Variants in DUSP11 observed in about 807,000 individuals in gnomAD.
DUSP11 encodes RNA/RNP complex-1-interacting phosphatase.
A neutral mutation model predicts 41.4 loss-of-function variants in DUSP11; 27 were observed. The ratio of observed to expected loss-of-function variants is 0.65; its 90% CI spans 0.48 to 0.90. The LOEUF (loss-of-function observed/expected upper bound fraction) is 0.90, where lower values mean the gene tolerates loss of function less well. Among genes scored for constraint, DUSP11 ranks in the 40% least tolerant of loss-of-function variants. The pLI is 0.00. For missense variants in DUSP11, 465 were observed against 461.1 expected (o/e 1.01, Z -0.08); for synonymous variants, 188 against 159.3 (o/e 1.18, Z -1.35).
At position 73,766,332 on chromosome 2, in the gene DUSP11, T is replaced by G. The variant is rs1558532301; in HGVS notation, c.935+86A>C. On this transcript the variant is annotated intron_variant, in intron 8 of 8. Coordinates refer to ENST00000272444, the Ensembl canonical transcript of DUSP11. The stretch of plus-strand genomic sequence containing the variant: ...TCCAAAAAAAAAAAAAACGAAGAAT[T>G]CCTCATCAGTATCATAATGTGTTTT... 4 of 1,228,264 alleles carry G rather than the reference T, an allele frequency of 3.3e-6. No homozygotes were observed. In the East Asian group the frequency reaches 7.3e-5, roughly 23 times the overall value. The allele number at this position is 1,228,264 out of a possible 1,614,324, so 76.1% of individuals were successfully genotyped here.
At chr2:73,765,021 C>G (rs755766011) in intron 8 of DUSP11, among the ~76,000 whole-genome samples, 2 of 152,116 alleles carry the variant, frequency 1.3e-5, no homozygotes, top group Non-Finnish European at 2.9e-5. Context: ...TAATAGCTTG[C>G]TATTTGTGAT....
chr2:73,778,130 T>C (rs1301197621), intron 2 of DUSP11, among the ~76,000 whole-genome samples, 171 bp downstream of exon 2: 3 of 152,134 alleles, frequency 2.0e-5, no homozygotes, highest in Non-Finnish European at 4.4e-5. Flanking sequence ...TATTTTTGTT[T>C]AAAATATGAA....
chr2:73,779,591 T>C (rs1573187646), intron 1 of DUSP11: 1 of 489,362 alleles, frequency 2.0e-6, no homozygotes, highest in African/African-American at 1.9e-5. Context: ...TTAAGGAGTG[T>C]CCCCAACAGT....
chr2:73,779,582 TAAG>T, intron 1 of DUSP11: 1 of 446,060 alleles, frequency 2.2e-6, no homozygotes, highest in East Asian at 4.1e-5. Context: ...TTTTGGGAAT[TAAG>T]GAGTGTCCCC....
At chr2:73,771,739 T>C (rs1672582701) in intron 4 of DUSP11, among the ~76,000 whole-genome samples, 1 of 150,402 alleles carries the variant, frequency 6.6e-6, no homozygotes, top group Non-Finnish European at 1.5e-5. Context: ...CCTGACCTCA[T>C]GATCTGCCCA....
At chr2:73,768,675 G>C in intron 5 of DUSP11, 1 of 985,412 alleles carries the variant, frequency 1.0e-6, no homozygotes, top group Non-Finnish European at 1.2e-6. Flanking sequence ...TAAGGAGTCT[G>C]GCCAGGCGCG....
intron 8 of DUSP11, among the ~76,000 whole-genome samples, chr2:73,765,548 C>T (rs1235599951): frequency 6.6e-6 from 1 of 151,920 alleles, no homozygotes; most frequent in Non-Finnish European, 1.5e-5. Context: ...CTCCTCCCAT[C>T]CACCCACCCA....
chr2:73,769,158 C>T, intron 5 of DUSP11, 107 bp downstream of exon 5: 1 of 892,416 alleles, frequency 1.1e-6, no homozygotes, highest in Non-Finnish European at 1.8e-6. Context: ...AGACTGCCTT[C>T]TACTTCATGT....
At chr2:73,766,855 T>A in exon 7 of DUSP11, 1 of 1,613,322 alleles carries the variant, frequency 6.2e-7, no homozygotes, top group Non-Finnish European at 8.5e-7. Flanking sequence ...CTGAAGGTCT[T>A]CAATGTAGTT....
intron 8 of DUSP11, among the ~76,000 whole-genome samples, chr2:73,763,461 C>G (rs1281054207): frequency 2.0e-5 from 3 of 152,202 alleles, no homozygotes; most frequent in African/African-American, 7.2e-5. Flanking sequence ...TGGTGGCTCG[C>G]ACTTGTAATC....
At position 73,778,898 on chromosome 2, in the gene DUSP11, G is replaced by A. The variant is rs188346210; in HGVS notation, c.243-522C>T. Among the ~76,000 whole-genome samples the A allele has an allele frequency of 1.2e-3, 175 of 152,120 alleles. 1 individual carries two copies. Among genetic ancestry groups the A allele is most frequent in the African/African-American group, 3.5e-3 (147 of 41,468 alleles). ...GCGGTGGCTCACGTCTGTTAATCCC[G>A]GCAATTTGGGAGGCTGAGGCAGGTG... On this transcript the variant is annotated intron_variant, in intron 1 of 8. Coordinates refer to ENST00000272444, the Ensembl canonical transcript of DUSP11.
chr2:73,767,712 T>C (rs1301742729), intron 5 of DUSP11: 1 of 155,448 alleles, frequency 6.4e-6, no homozygotes, highest in African/African-American at 2.4e-5. Context: ...GACAACAATA[T>C]TACCTAAATA....
chr2:73,773,666 G>T, intron 4 of DUSP11, 134 bp downstream of exon 4: 2 of 880,546 alleles, frequency 2.3e-6, no homozygotes, highest in Non-Finnish European at 3.4e-6. Context: ...TACCCTATTA[G>T]CACCATCTGA....
At chr2:73,776,021 G>A (rs1672677545) in intron 2 of DUSP11, among the ~76,000 whole-genome samples, 1 of 152,000 alleles carries the variant, frequency 6.6e-6, no homozygotes, top group South Asian at 2.1e-4. Context: ...GGCTTTCATT[G>A]CTGAATATTC....
chr2:73,778,211 AAG>A, intron 2 of DUSP11, 88 bp downstream of exon 2: 1 of 846,042 alleles, frequency 1.2e-6, no homozygotes. Flanking sequence ...TTGCTATAAA[AAG>A]AGAAAATGGA....
In DUSP11 at chr2:73,766,420, G is replaced by C. The variant is rs746253641; in HGVS notation, c.933C>G (p.Val311=). The change falls in exon 8 of 9, where the codon GTC becomes GTG. Residue 311 remains valine, a splice_region_variant and synonymous_variant. Transcript: ENST00000272444. ...AAAGGGAAAACAGAGAGAGGTACCT[G>C]ACTGATTGTTGCAAACTTTGGGTCT... is the stretch of plus-strand genomic sequence containing the variant. 21 of 1,609,386 alleles carry C rather than the reference G, an allele frequency of 1.3e-5. No homozygotes were observed. Among genetic ancestry groups the C allele is most frequent in the Non-Finnish European group, 1.7e-5 (20 of 1,178,532 alleles).
intron 5 of DUSP11, 68 bp from the exon 6 acceptor site, chr2:73,767,275 G>T: frequency 1.6e-6 from 2 of 1,216,688 alleles, no homozygotes. Flanking sequence ...TTCAAAAAAG[G>T]TCCAATTTCA....
intron 7 of DUSP11, 74 bp from the exon 8 acceptor site, chr2:73,766,668 C>A: frequency 1.4e-6 from 2 of 1,477,304 alleles, no homozygotes; most frequent in African/African-American, 1.4e-5. Flanking sequence ...TATATTTTGG[C>A]ATATGAAAAT....
At chr2:73,766,186 G>A (rs1672455674) in intron 8 of DUSP11, among the ~76,000 whole-genome samples, 1 of 151,964 alleles carries the variant, frequency 6.6e-6, no homozygotes, top group Non-Finnish European at 1.5e-5. Context: ...GCGGGTGCCT[G>A]TAGTCCCAGC....
Sources: allele counts gnomAD v4.1 joint callset (sites outside exome capture counted in the v4.1 genomes callset), GRCh38; gene constraint gnomAD v4.1.1; transcripts MANE v1.5; gene names NCBI Gene and HGNC (gene_info 2026-07-23, HGNC 2026-07-21).